CDH18: variants seen among roughly 807,000 people sequenced by gnomAD.
CDH18 encodes cadherin 18, also known as cadherin-18.
CDH18 carries 31 observed loss-of-function variants against 67.9 expected under a neutral mutation model. That is an observed-to-expected ratio of 0.46 (90% CI 0.34 to 0.62). CDH18 has a LOEUF of 0.62. CDH18 is among the 20% of genes least tolerant of loss of function. The probability of loss-of-function intolerance (pLI) is 0.01; values close to 1 mark genes in which losing one functional copy is unlikely to be tolerated. For synonymous variants in CDH18, 362 were observed against 347.2 expected (o/e 1.04, Z -0.48); for missense variants, 890 against 975.5 (o/e 0.91, Z 1.17).
At chr5:19,492,906 T>A (rs745761821) in intron 11 of CDH18, among the ~76,000 whole-genome samples, 33 of 152,146 alleles carry the variant, frequency 2.2e-4, no homozygotes, top group Non-Finnish European at 4.1e-4. Flanking sequence ...TGTCAGAGTA[T>A]CTTATACTGG....
intron 2 of CDH18, among the ~76,000 whole-genome samples, chr5:20,145,979 G>A (rs1162909735): frequency 6.6e-6 from 1 of 152,156 alleles, no homozygotes; most frequent in African/African-American, 2.4e-5. Flanking sequence ...TCTGAATGCT[G>A]CTACTTGAAC....
intron 8 of CDH18, among the ~76,000 whole-genome samples, chr5:19,551,141 G>A (rs765129149): frequency 6.6e-6 from 1 of 152,150 alleles, no homozygotes; most frequent in Non-Finnish European, 1.5e-5. Flanking sequence ...GATTGTAAGA[G>A]CACAGACTTT....
chr5:20,161,459 T>C (rs755033398), intron 2 of CDH18, among the ~76,000 whole-genome samples: 24 of 152,108 alleles, frequency 1.6e-4, no homozygotes, highest in African/African-American at 5.3e-4. Flanking sequence ...CCAGGAAAAA[T>C]TGCCAAGCCC....
chr5:19,478,128 G>GT (rs1405911878), intron 12 of CDH18, among the ~76,000 whole-genome samples: 7 of 152,142 alleles, frequency 4.6e-5, no homozygotes, highest in Admixed American at 1.3e-4. Flanking sequence ...CTCATAATAT[G>GT]TATTTTTTCC....
At chr5:20,141,068 A>T (rs150282923) in intron 2 of CDH18, among the ~76,000 whole-genome samples, 43 of 152,280 alleles carry the variant, frequency 2.8e-4, no homozygotes, top group African/African-American at 1.0e-3. Context: ...CCAGCCATGT[A>T]ATTTACTCTG....
At chr5:20,056,444 T>A (rs1228504390) in intron 2 of CDH18, among the ~76,000 whole-genome samples, 1 of 148,012 alleles carries the variant, frequency 6.8e-6, no homozygotes, top group African/African-American at 2.5e-5. Flanking sequence ...TCTCACTTTA[T>A]TTTTTTATTA....
At chr5:19,866,670 C>T (rs939417405) in intron 2 of CDH18, among the ~76,000 whole-genome samples, 1 of 152,164 alleles carries the variant, frequency 6.6e-6, no homozygotes, top group African/African-American at 2.4e-5. Context: ...AGAACAGTCT[C>T]ATTTTGTCTC....
chr5:19,990,820 C>G (rs922243540), upstream of CDH18, among the ~76,000 whole-genome samples: 14 of 152,034 alleles, frequency 9.2e-5, no homozygotes, highest in African/African-American at 3.4e-4. Context: ...ACAAGTGAAC[C>G]AATGTGGAAT....
intron 4 of CDH18, among the ~76,000 whole-genome samples, chr5:19,727,543 C>T (rs1414676185): frequency 6.6e-6 from 1 of 152,190 alleles, no homozygotes; most frequent in African/African-American, 2.4e-5. Context: ...AGACTTCTAG[C>T]TTCCAGACTG....
chr5:20,327,282 C>T (rs1738690184), intron 1 of CDH18, among the ~76,000 whole-genome samples: 1 of 152,140 alleles, frequency 6.6e-6, no homozygotes, highest in Non-Finnish European at 1.5e-5. Flanking sequence ...GTATCATAGC[C>T]TCATTTCCTC....
intron 2 of CDH18, among the ~76,000 whole-genome samples, chr5:20,097,339 C>T (rs937175901): frequency 6.6e-6 from 1 of 152,054 alleles, no homozygotes; most frequent in Non-Finnish European, 1.5e-5. Flanking sequence ...GCCTCATAAT[C>T]ATGGCGGAAG....
chr5:20,420,156 T>C (rs745948594), intron 1 of CDH18, among the ~76,000 whole-genome samples: 4 of 151,146 alleles, frequency 2.6e-5, no homozygotes, highest in South Asian at 2.1e-4. Flanking sequence ...TAAGACGCGA[T>C]ACAATCAGTG....
chr5:20,008,818 T>C (rs986378764), intron 2 of CDH18, among the ~76,000 whole-genome samples: 5 of 152,152 alleles, frequency 3.3e-5, no homozygotes, highest in African/African-American at 1.2e-4. Flanking sequence ...CTAGAGCAAT[T>C]TGCCAGGTGC....
At chr5:19,917,679 C>T (rs1791979343) in intron 2 of CDH18, among the ~76,000 whole-genome samples, 1 of 152,090 alleles carries the variant, frequency 6.6e-6, no homozygotes, top group Non-Finnish European at 1.5e-5. Flanking sequence ...CACAGTAATA[C>T]ATATCATATT....
chr5:20,156,869 T>C (rs1465253871), intron 2 of CDH18, among the ~76,000 whole-genome samples: 2 of 152,144 alleles, frequency 1.3e-5, no homozygotes, highest in Non-Finnish European at 2.9e-5. Context: ...TGTAGAAAAA[T>C]GTGACTACAG....
intron 2 of CDH18, among the ~76,000 whole-genome samples, chr5:19,853,756 G>A (rs1460094387): frequency 2.6e-5 from 4 of 152,064 alleles, no homozygotes; most frequent in African/African-American, 2.4e-5. Context: ...TTCACCAGAG[G>A]AGGCAAGATT....
At chr5:20,334,224 CTG>C (rs1443632351) in intron 1 of CDH18, among the ~76,000 whole-genome samples, 256 of 146,740 alleles carry the variant, frequency 1.7e-3, no homozygotes, top group African/African-American at 6.1e-3. Flanking sequence ...GCTCCGCCCC[CTG>C]GGGTTCACGC....
intron 2 of CDH18, among the ~76,000 whole-genome samples, chr5:20,002,367 A>T (rs1736519485): frequency 1.3e-5 from 2 of 152,194 alleles, no homozygotes; most frequent in Non-Finnish European, 2.9e-5. Context: ...ACTTCAGTCA[A>T]ATTTTAGCTT....
chr5:20,181,969 T>C (rs1561856851), intron 2 of CDH18, among the ~76,000 whole-genome samples: 1 of 152,074 alleles, frequency 6.6e-6, no homozygotes, highest in East Asian at 1.9e-4. Flanking sequence ...TATATAAGGA[T>C]CCCTAAGTAT....
Sources: allele counts gnomAD v4.1 joint callset (sites outside exome capture counted in the v4.1 genomes callset), GRCh38; gene constraint gnomAD v4.1.1; transcripts MANE v1.5; gene names NCBI Gene and HGNC (gene_info 2026-07-23, HGNC 2026-07-21).